The following RAB2A variants were observed in gnomAD, a reference collection of about 807,000 sequenced individuals.
RAB2A encodes ras-related protein Rab-2A.
A neutral mutation model predicts 32.5 loss-of-function variants in RAB2A; 7 were observed. The ratio of observed to expected loss-of-function variants is 0.22; its 90% CI spans 0.12 to 0.40. The LOEUF is 0.40. Ranked by LOEUF, RAB2A falls within the 10% of genes least tolerant of loss-of-function variation. RAB2A has a pLI of 1.00. For missense variants in RAB2A, 108 were observed against 260.7 expected, an observed-to-expected ratio of 0.41 and a Z score of 4.03; for synonymous variants, 79 against 85.2, an observed-to-expected ratio of 0.93 and a Z score of 0.40.
intron 1 of RAB2A, among the ~76,000 whole-genome samples, chr8:60,531,372 C>T (rs946576179): frequency 7.2e-5 from 11 of 152,200 alleles, no homozygotes; most frequent in African/African-American, 2.4e-4. Flanking sequence ...CAGTAAAGTT[C>T]ATACCTCTTC....
chr8:60,576,069 T>G (rs1803612121), intron 3 of RAB2A, among the ~76,000 whole-genome samples: 1 of 152,206 alleles, frequency 6.6e-6, no homozygotes, highest in African/African-American at 2.4e-5. Context: ...TGCTAGCAGA[T>G]ACTCCTTGGA....
intron 5 of RAB2A, among the ~76,000 whole-genome samples, chr8:60,590,602 C>G (rs1467024024): frequency 7.0e-6 from 1 of 143,492 alleles, no homozygotes; most frequent in Non-Finnish European, 1.5e-5. Flanking sequence ...ATATATAATA[C>G]ATATATATAT....
In RAB2A at chr8:60,601,989, C is replaced by CT. The variant is rs540565332; in HGVS notation, c.474+10021dup. Among the ~76,000 whole-genome samples the CT allele has an allele frequency of 1.6e-4, 25 of 152,200 alleles. 1 individual carries two copies. The South Asian group carries it at 5.2e-3, about 32-fold the overall frequency. On this transcript the variant is annotated intron_variant, in intron 6 of 7. Transcript: ENST00000262646. ...AACCTCTTGGGCTCAAGTGATCCTC[C>CT]TGCTTAAGCCTCCCAAGTAGCTGGA...
intron 6 of RAB2A, among the ~76,000 whole-genome samples, chr8:60,599,411 T>C (rs1463208052): frequency 6.6e-6 from 1 of 152,142 alleles, no homozygotes; most frequent in Non-Finnish European, 1.5e-5. Context: ...TCCAGTACAA[T>C]GTTTTGTAGA....
intron 2 of RAB2A, among the ~76,000 whole-genome samples, chr8:60,570,432 C>T (rs910929860): frequency 6.6e-6 from 1 of 152,116 alleles, no homozygotes; most frequent in African/African-American, 2.4e-5. Context: ...CAAAGAACAT[C>T]TGTATCTTAC....
Position 60,572,131 on chromosome 8 carries a change from G to A in RAB2A, c.186+18G>A, listed in dbSNP as rs754408105. 9 of 1,550,384 alleles carry A rather than the reference G, an allele frequency of 5.8e-6. No homozygotes were observed. Among genetic ancestry groups the A allele is most frequent in the Middle Eastern group, 1.7e-4 (1 of 5,880 alleles). ...GGGATACGGTAAGTATAGGAAAAGT[G>A]CACTGTATGATCTCAGTAAAGTTAC... is the stretch of plus-strand genomic sequence containing the variant. On this transcript the variant is annotated intron_variant, in intron 3 of 7. Coordinates refer to ENST00000262646, the MANE Select transcript of RAB2A (RefSeq NM_002865.3).
At chr8:60,592,066 G>T (rs892888458) in intron 6 of RAB2A, 97 bp downstream of exon 6, 2 of 651,046 alleles carry the variant, frequency 3.1e-6, no homozygotes, top group Non-Finnish European at 5.1e-6. Context: ...TAGTCGGATG[G>T]TCTTTGAACA....
intron 6 of RAB2A, among the ~76,000 whole-genome samples, chr8:60,597,159 A>C (rs1029379074): frequency 6.6e-6 from 1 of 152,168 alleles, no homozygotes; most frequent in African/African-American, 2.4e-5. Flanking sequence ...TTATTGCAGC[A>C]CTGTTCACAA....
chr8:60,590,936 G>A (rs1803932680), intron 5 of RAB2A, among the ~76,000 whole-genome samples: 1 of 151,898 alleles, frequency 6.6e-6, no homozygotes. Context: ...GGGTAAGAGG[G>A]AGGAGAGTGG....
chr8:60,550,390 C>CTT (rs879508044), intron 1 of RAB2A, among the ~76,000 whole-genome samples: 2 of 145,142 alleles, frequency 1.4e-5, no homozygotes, highest in African/African-American at 2.5e-5. Context: ...TTTTTTTTGT[C>CTT]TTTTTTTTTT....
At chr8:60,545,801 T>G (rs1233634835) in intron 1 of RAB2A, among the ~76,000 whole-genome samples, 1 of 152,172 alleles carries the variant, frequency 6.6e-6, no homozygotes, top group South Asian at 2.1e-4. Context: ...ATCCAAGATA[T>G]CCACACCAGG....
intron 1 of RAB2A, among the ~76,000 whole-genome samples, chr8:60,524,888 G>T (rs1174707523): frequency 6.6e-6 from 1 of 152,114 alleles, no homozygotes; most frequent in South Asian, 2.1e-4. Flanking sequence ...TAATCCCTAA[G>T]GTGTAGCCAG....
chr8:60,583,264 G>A (rs1047616658), intron 3 of RAB2A, among the ~76,000 whole-genome samples: 2 of 152,000 alleles, frequency 1.3e-5, no homozygotes, highest in Non-Finnish European at 2.9e-5. Flanking sequence ...TTGGCTTTAC[G>A]TTTACTTAAT....
intron 6 of RAB2A, among the ~76,000 whole-genome samples, chr8:60,609,306 C>T (rs1360015731): frequency 6.6e-6 from 1 of 152,220 alleles, no homozygotes; most frequent in Non-Finnish European, 1.5e-5. Flanking sequence ...TTCCATGACA[C>T]CAGCATGTCT....
intron 2 of RAB2A, among the ~76,000 whole-genome samples, chr8:60,560,233 G>A (rs754208268): frequency 1.3e-5 from 2 of 152,080 alleles, no homozygotes; most frequent in Non-Finnish European, 2.9e-5. Context: ...GACTACAGGC[G>A]TGCACTACCA....
intron 6 of RAB2A, among the ~76,000 whole-genome samples, chr8:60,604,957 A>G (rs1188825607): frequency 6.6e-6 from 1 of 152,238 alleles, no homozygotes; most frequent in Non-Finnish European, 1.5e-5. Context: ...AATAGCCATG[A>G]CAATGGGGAG....
chr8:60,576,762 A>G (rs1803640708), intron 3 of RAB2A, among the ~76,000 whole-genome samples: 1 of 152,234 alleles, frequency 6.6e-6, no homozygotes, highest in African/African-American at 2.4e-5. Flanking sequence ...TGAAAACAAT[A>G]CTGCCTCCCC....
At chr8:60,547,046 T>TTCCGCAGTGTTTGTGTCCC (rs1466998562) in intron 1 of RAB2A, among the ~76,000 whole-genome samples, 1 of 151,408 alleles carries the variant, frequency 6.6e-6, no homozygotes, top group Admixed American at 6.6e-5. Context: ...CCCTGCGGCC[T>TTCCGCAGTGTTTGTGTCCC]TCCGCAGTGT....
In RAB2A at chr8:60,542,312, G is replaced by C. The variant is rs886106340; in HGVS notation, c.47-16540G>C. 5.3e-5 allele frequency among the ~76,000 whole-genome samples: 8 copies of C among 152,234 alleles called. 1 individual carries two copies. The South Asian group carries it at 1.7e-3, about 32-fold the overall frequency. Reference sequence around the variant, plus strand: ...AGGCAGATCACGAGGTCAGGAGATCGAGACCATTGTGGCTAACACGGTGAA... The same window carrying C: ...AGGCAGATCACGAGGTCAGGAGATCCAGACCATTGTGGCTAACACGGTGAA... On this transcript the variant is annotated intron_variant, in intron 1 of 7. Coordinates refer to ENST00000262646, the MANE Select transcript of RAB2A (RefSeq NM_002865.3).
Sources: allele counts gnomAD v4.1 joint callset (sites outside exome capture counted in the v4.1 genomes callset), GRCh38; gene constraint gnomAD v4.1.1; transcripts MANE v1.5; gene names NCBI Gene and HGNC (gene_info 2026-07-23, HGNC 2026-07-21).